PCNX2: variants seen among roughly 807,000 people sequenced by gnomAD.
PCNX2 encodes pecanex-like protein 2.
In PCNX2, 168 loss-of-function variants were observed where a neutral mutation model predicts 223.8. The observed-to-expected ratio is 0.75, with a 90% CI of 0.66 to 0.85. PCNX2 has a LOEUF of 0.85. PCNX2 is among the 40% of genes least tolerant of loss of function. The probability of loss-of-function intolerance (pLI) is 0.00; values close to 1 mark genes in which losing one functional copy is unlikely to be tolerated. For missense variants in PCNX2, 2,507 were observed against 2,675.5 expected, an observed-to-expected ratio of 0.94 and a Z score of 1.39; for synonymous variants, 1,006 against 1,052.6, an observed-to-expected ratio of 0.96 and a Z score of 0.86.
chr1:233,290,417 A>G (rs1661694351), intron 1 of PCNX2, among the ~76,000 whole-genome samples: 1 of 152,244 alleles, frequency 6.6e-6, no homozygotes, highest in African/African-American at 2.4e-5. Context: ...CAAGTAGAGT[A>G]AAATGTTCAT....
chr1:233,093,187 G>T (rs1002873781), intron 22 of PCNX2, among the ~76,000 whole-genome samples: 3 of 152,186 alleles, frequency 2.0e-5, no homozygotes, highest in South Asian at 4.1e-4. Flanking sequence ...CAATCTCCGG[G>T]TTTACTATAG....
At chr1:233,177,988 CAT>C in intron 16 of PCNX2, 90 bp from the exon 17 acceptor site, 1 of 945,520 alleles carries the variant, frequency 1.1e-6, no homozygotes, top group Non-Finnish European at 1.6e-6. Flanking sequence ...CACACCCACA[CAT>C]GACAAAAACA....
chr1:233,112,931 T>G, intron 21 of PCNX2: 1 of 1,289,332 alleles, frequency 7.8e-7, no homozygotes, highest in Non-Finnish European at 1.0e-6. Context: ...TGGTTTGAGT[T>G]AAGGGAAATC....
chr1:233,149,095 C>T (rs1450071896), intron 19 of PCNX2, among the ~76,000 whole-genome samples: 1 of 152,156 alleles, frequency 6.6e-6, no homozygotes, highest in Non-Finnish European at 1.5e-5. Flanking sequence ...AACTGCCTTT[C>T]TGTAATGTCC....
chr1:233,208,426 A>C lies in PCNX2; in HGVS notation c.2863+92T>G. The C allele has an allele frequency of 2.2e-6, 3 of 1,354,046 alleles. No individual in the cohort carries two copies. In the South Asian group the frequency reaches 4.6e-5, roughly 21 times the overall value. The allele number at this position is 1,354,046 out of a possible 1,614,324, so 83.9% of individuals were successfully genotyped here. Reference sequence around the variant, plus strand: ...GAAAGTGCACATCTCTTCACCCAATAATCAAGTAAGGAAGCTTAGAAATTC... The same window carrying C: ...GAAAGTGCACATCTCTTCACCCAATCATCAAGTAAGGAAGCTTAGAAATTC... On this transcript the variant is annotated intron_variant, in intron 13 of 33. Transcript: ENST00000258229.
chr1:232,999,842 T>A lies in PCNX2; in HGVS notation c.5328+463A>T, dbSNP rs564104057. Among the ~76,000 whole-genome samples, 9 of 152,330 alleles carry A rather than the reference T, an allele frequency of 5.9e-5. No homozygotes were observed. In the South Asian group the frequency reaches 1.9e-3, roughly 32 times the overall value. Reference sequence around the variant, plus strand: ...ATCCTGCAAGACGGATATGATGCCATCTTCATGGGGAAACTGAGAGAGAAT... The same window carrying A: ...ATCCTGCAAGACGGATATGATGCCAACTTCATGGGGAAACTGAGAGAGAAT... On this transcript the variant is annotated intron_variant, in intron 30 of 33. Coordinates refer to ENST00000258229, the MANE Select transcript of PCNX2 (RefSeq NM_014801.4).
chr1:233,005,315 CAAAAG>C (rs1339369311), intron 28 of PCNX2, among the ~76,000 whole-genome samples: 4 of 152,120 alleles, frequency 2.6e-5, no homozygotes, highest in Non-Finnish European at 4.4e-5. Context: ...CATCCACAGA[CAAAAG>C]AGAAGAGCCA....
At chr1:233,288,805 T>A in intron 1 of PCNX2, 1 of 16,424 alleles carries the variant, frequency 6.1e-5, no homozygotes, top group African/African-American at 2.8e-4. Context: ...AAAGATGCCC[T>A]TTTTTTTTTT....
intron 12 of PCNX2, among the ~76,000 whole-genome samples, chr1:233,210,908 A>G (rs1681777251): frequency 6.6e-6 from 1 of 152,188 alleles, no homozygotes; most frequent in African/African-American, 2.4e-5. Flanking sequence ...CCCTACCTCC[A>G]TAAGCCGTCT....
At chr1:233,205,145 C>T (rs1681366933) in intron 13 of PCNX2, among the ~76,000 whole-genome samples, 1 of 152,028 alleles carries the variant, frequency 6.6e-6, no homozygotes, top group Non-Finnish European at 1.5e-5. Context: ...GACTTTTTTA[C>T]AGTAGCAAAT....
At chr1:233,296,996 A>G (rs1314065733), upstream of PCNX2, among the ~76,000 whole-genome samples, 2 of 152,264 alleles carry the variant, frequency 1.3e-5, no homozygotes, top group Non-Finnish European at 2.9e-5. Context: ...AGTAGGAATG[A>G]ATCATCAAAA....
intron 21 of PCNX2, among the ~76,000 whole-genome samples, chr1:233,134,121 A>G (rs913651513): frequency 6.6e-6 from 1 of 152,172 alleles, no homozygotes; most frequent in Non-Finnish European, 1.5e-5. Flanking sequence ...TAAAAGGGGA[A>G]AGGTGTTGCT....
chr1:233,072,348 A>G (rs1232345614), intron 23 of PCNX2, among the ~76,000 whole-genome samples: 1 of 152,118 alleles, frequency 6.6e-6, no homozygotes, highest in African/African-American at 2.4e-5. Context: ...TCCAGTTTCA[A>G]TTTCTGCATA....
chr1:233,190,358 C>G (rs968607754), intron 15 of PCNX2, among the ~76,000 whole-genome samples: 9 of 152,184 alleles, frequency 5.9e-5, no homozygotes, highest in African/African-American at 1.9e-4. Context: ...TAAGGACCCT[C>G]TTGACAATTT....
chr1:233,215,471 C>A (rs983324256), intron 12 of PCNX2, among the ~76,000 whole-genome samples: 1 of 152,182 alleles, frequency 6.6e-6, no homozygotes, highest in Admixed American at 6.5e-5. Context: ...ATTGATTCCT[C>A]TGGGAACTAA....
intron 23 of PCNX2, among the ~76,000 whole-genome samples, chr1:233,085,119 G>A (rs1267760942): frequency 6.6e-6 from 1 of 152,180 alleles, no homozygotes; most frequent in Non-Finnish European, 1.5e-5. Flanking sequence ...CGGATCACAA[G>A]ATCAGGAATT....
chr1:233,306,710 C>A, the PCNX2 span, among the ~76,000 whole-genome samples: 1 of 152,184 alleles, frequency 6.6e-6, no homozygotes, highest in Admixed American at 6.5e-5. Context: ...ACCACCTTCA[C>A]ATGATTGTGA....
chr1:233,196,969 G>A (rs1262126340), intron 15 of PCNX2, among the ~76,000 whole-genome samples: 1 of 152,096 alleles, frequency 6.6e-6, no homozygotes, highest in East Asian at 1.9e-4. Context: ...GTGGTAACTT[G>A]TCTACACACA....
intron 25 of PCNX2, among the ~76,000 whole-genome samples, chr1:233,025,873 A>T (rs187822175): frequency 3.9e-5 from 6 of 152,220 alleles, no homozygotes; most frequent in Non-Finnish European, 8.8e-5. Flanking sequence ...AGTTGTTCCT[A>T]TTATTTTTAC....
Sources: gnomAD v4.1 joint callset for allele counts (sites outside exome capture counted in the v4.1 genomes callset) on GRCh38, gnomAD v4.1.1 for gene constraint, MANE v1.5 for transcripts, NCBI Gene and HGNC (gene_info 2026-07-23, HGNC 2026-07-21) for gene names.